The following GOLGA7B variants were observed in gnomAD, a reference collection of about 807,000 sequenced individuals.
GOLGA7B encodes golgin A7 family member B, also known as golgin subfamily A member 7B.
In GOLGA7B, 17 loss-of-function variants were observed where a neutral mutation model predicts 21.5. The observed-to-expected ratio is 0.79, with a 90% confidence interval of 0.54 to 1.19. The LOEUF is 1.19. Ranked by LOEUF, GOLGA7B falls within the 50% of genes most tolerant of loss-of-function variation. GOLGA7B has a pLI of 0.00. For synonymous variants in GOLGA7B, 87 were observed against 84.0 expected (o/e 1.04, Z -0.19); for missense variants, 169 against 224.4 (o/e 0.75, Z 1.58).
chr10:97,863,349 A>G (rs1045264191), intron 2 of GOLGA7B, among the ~76,000 whole-genome samples: 2 of 152,192 alleles, frequency 1.3e-5, no homozygotes, highest in Admixed American at 6.5e-5. Flanking sequence ...CCTATTATGG[A>G]TACGGGCAGG....
intron 1 of GOLGA7B, among the ~76,000 whole-genome samples, chr10:97,852,944 C>T (rs927874932): frequency 3.3e-5 from 5 of 152,138 alleles, no homozygotes; most frequent in Admixed American, 3.3e-4. Flanking sequence ...TCACTGGGAG[C>T]AGGGTCTGCC....
chr10:97,857,781 T>C (rs2049945649), intron 1 of GOLGA7B, among the ~76,000 whole-genome samples: 3 of 152,174 alleles, frequency 2.0e-5, no homozygotes, highest in Admixed American at 2.0e-4. Context: ...GCAGGTTTTG[T>C]ATGGGTTACT....
intron 1 of GOLGA7B, among the ~76,000 whole-genome samples, chr10:97,857,186 G>A (rs569329497): frequency 4.1e-4 from 63 of 152,120 alleles, no homozygotes; most frequent in African/African-American, 1.4e-3. Context: ...CTAGGTTTTC[G>A]TCTAGAATTT....
intron 2 of GOLGA7B, among the ~76,000 whole-genome samples, chr10:97,860,431 C>A (rs886688430): frequency 6.6e-6 from 1 of 152,120 alleles, no homozygotes; most frequent in African/African-American, 2.4e-5. Flanking sequence ...CAGCTCCCTG[C>A]AGCCTCTGTC....
chr10:97,859,278 C>T (rs1358997904), intron 1 of GOLGA7B, among the ~76,000 whole-genome samples, 180 bp from the exon 2 acceptor site: 1 of 152,204 alleles, frequency 6.6e-6, no homozygotes, highest in African/African-American at 2.4e-5. Flanking sequence ...TTGGGTAGAC[C>T]CCACAGCCCT....
intron 1 of GOLGA7B, among the ~76,000 whole-genome samples, chr10:97,850,611 C>T (rs1265522869): frequency 6.6e-6 from 1 of 152,172 alleles, no homozygotes; most frequent in African/African-American, 2.4e-5. Flanking sequence ...TTCACAAGTC[C>T]TGAAACCGCT....
intron 2 of GOLGA7B, among the ~76,000 whole-genome samples, chr10:97,860,544 G>A (rs1438744870): frequency 6.6e-6 from 1 of 152,054 alleles, no homozygotes; most frequent in Admixed American, 6.6e-5. Flanking sequence ...GTAGAGACGG[G>A]GTTTTGCCAT....
At chr10:97,857,309 C>T (rs1328471649) in intron 1 of GOLGA7B, among the ~76,000 whole-genome samples, 1 of 151,510 alleles carries the variant, frequency 6.6e-6, no homozygotes, top group African/African-American at 2.4e-5. Context: ...CCAGTTTTCC[C>T]AGCACCATTC....
rs529962548 is a variant in GOLGA7B, at chr10:97,850,859, A to T, written c.12+544A>T. The stretch of plus-strand genomic sequence containing the variant: ...CCTTCTTGCTTTTTTACCCCATTCG[A>T]GTTTTTTTTTTTTTTTTGTCCCAGG... On this transcript the variant is annotated intron_variant, in intron 1 of 4. Transcript: ENST00000370602. 4.4e-5 allele frequency among the ~76,000 whole-genome samples: 6 copies of T among 137,368 alleles called. No homozygotes were observed. In the East Asian group the frequency reaches 1.0e-3, roughly 24 times the overall value. The allele number at this position is 137,368 out of a possible 152,430, so 90.1% of individuals were successfully genotyped here. A position where few individuals can be genotyped will look rare whatever the true frequency, so the allele number is the denominator to read the frequency against.
At chr10:97,863,601 A>G (rs1430725803) in intron 2 of GOLGA7B, among the ~76,000 whole-genome samples, 1 of 152,262 alleles carries the variant, frequency 6.6e-6, no homozygotes, top group Non-Finnish European at 1.5e-5. Context: ...CATCTAGGAT[A>G]TCATGGGAAT....
chr10:97,867,853 G>C lies in GOLGA7B; in HGVS notation c.*2153G>C, dbSNP rs1170383934. 1 of 152,328 alleles carries C rather than the reference G, an allele frequency of 6.6e-6. No homozygotes were observed. The highest frequency in any genetic ancestry group is 1.5e-5 in the Non-Finnish European group (1 of 68,110). The allele number at this position is 152,328 out of a possible 1,614,324, so 9.4% of individuals were successfully genotyped here. Reference sequence around the variant, plus strand: ...GCCTGAACTGGACCTGACATGGGGAGCAGGATGAACTCTGTCTTCTTGGAG... The same window carrying C: ...GCCTGAACTGGACCTGACATGGGGACCAGGATGAACTCTGTCTTCTTGGAG... On this transcript the variant is annotated 3_prime_UTR_variant, in exon 5 of 5. Coordinates refer to ENST00000370602, the MANE Select transcript of GOLGA7B (RefSeq NM_001010917.3).
chr10:97,850,359 G>A (rs2049897480), intron 1 of GOLGA7B, 44 bp downstream of exon 1: 2 of 1,500,458 alleles, frequency 1.3e-6, no homozygotes, highest in Non-Finnish European at 1.8e-6. Flanking sequence ...CGATTGCCGC[G>A]GGACCAAATG....
At chr10:97,862,101 C>T (rs1306874146) in intron 2 of GOLGA7B, among the ~76,000 whole-genome samples, 1 of 152,236 alleles carries the variant, frequency 6.6e-6, no homozygotes, top group Non-Finnish European at 1.5e-5. Flanking sequence ...TGGAATGTGA[C>T]CTTCCCGGCT....
At chr10:97,856,198 C>T (rs2136513968) in intron 1 of GOLGA7B, among the ~76,000 whole-genome samples, 1 of 152,190 alleles carries the variant, frequency 6.6e-6, no homozygotes, top group South Asian at 2.1e-4. Context: ...GAACATTGTA[C>T]CCGATGGGTA....
chr10:97,865,817 C>G lies in GOLGA7B; in HGVS notation c.*117C>G. The G allele has an allele frequency of 9.1e-7, 1 of 1,096,198 alleles. No homozygotes were observed. The highest frequency in any genetic ancestry group is 2.8e-5 in the Admixed American group (1 of 35,318). 67.9% of individuals were successfully genotyped at this position (1,096,198 alleles called of 1,614,324 possible). The stretch of plus-strand genomic sequence containing the variant: ...TCATTCTTTGGGCTCACCCTGCTGC[C>G]CGGGGTGGGAGGGAGGGTGACGGGC... On this transcript the variant is annotated 3_prime_UTR_variant, in exon 5 of 5. Transcript: ENST00000370602.
chr10:97,853,818 T>C (rs1034701805), intron 1 of GOLGA7B, among the ~76,000 whole-genome samples: 5 of 152,166 alleles, frequency 3.3e-5, no homozygotes, highest in African/African-American at 1.2e-4. Context: ...CCCACCAGCT[T>C]TCTGAAAACT....
chr10:97,857,665 GCAATCCTATGCAAAGAA>G (rs1194492515), intron 1 of GOLGA7B, among the ~76,000 whole-genome samples: 33 of 152,050 alleles, frequency 2.2e-4, no homozygotes, highest in African/African-American at 3.6e-4. Context: ...AATAGCCAAA[GCAATCCTATGCAAAGAA>G]CAATCCTATG....
chr10:97,865,640 C>A lies in GOLGA7B; in HGVS notation c.444C>A (p.Ser148Arg). The A allele has an allele frequency of 6.2e-7, 1 of 1,612,330 alleles. No individual in the cohort carries two copies. ...GGTGCAGCAGTGGCAGCTCCAGCAGCGGCAGCAGCAGCGGCAGTGGCAGCA... is the reference window on the plus strand; with the variant it reads ...GGTGCAGCAGTGGCAGCTCCAGCAGAGGCAGCAGCAGCGGCAGTGGCAGCA... ...EDRCSSGSSS[S>R]GSSSGSGSSS... The change falls in exon 5 of 5, where the codon AGC (serine) becomes AGA (arginine). Residue 148 changes from serine (S) to arginine (R), a missense_variant. Transcript: ENST00000370602.
In GOLGA7B at chr10:97,865,652, C is replaced by T. The variant is rs149369679; in HGVS notation, c.456C>T (p.Ser152=). The change falls in exon 5 of 5, where the codon AGC becomes AGT. Residue 152 remains serine, a synonymous_variant. Coordinates refer to ENST00000370602, the MANE Select transcript of GOLGA7B (RefSeq NM_001010917.3). ...GCAGCTCCAGCAGCGGCAGCAGCAG[C>T]GGCAGTGGCAGCAGCAGCGGTGGGG... ...SSGSSSSGSS[S]GSGSSSGGGG... The T allele has an allele frequency of 4.8e-5, 78 of 1,611,392 alleles. No individual in the cohort carries two copies. Among genetic ancestry groups the T allele is most frequent in the Admixed American group, 5.0e-5 (3 of 59,854 alleles).
Sources: gnomAD v4.1 joint callset for allele counts (sites outside exome capture counted in the v4.1 genomes callset) on GRCh38, gnomAD v4.1.1 for gene constraint, MANE v1.5 for transcripts, NCBI Gene and HGNC (gene_info 2026-07-23, HGNC 2026-07-21) for gene names.